Variants in CACNB2 observed in about 807,000 individuals in gnomAD.
CACNB2 encodes the protein calcium voltage-gated channel auxiliary subunit beta 2.
Under a neutral mutation model 73.3 loss-of-function variants are expected in CACNB2, and 42 were observed. The ratio of observed to expected loss-of-function variants is 0.57; its 90% confidence interval spans 0.45 to 0.74. CACNB2 has a LOEUF of 0.74. CACNB2 is among the 30% of genes least tolerant of loss of function. The pLI is 0.00. For synonymous variants in CACNB2, 348 were observed against 310.3 expected (o/e 1.12, Z -1.28); for missense variants, 940 against 853.0 (o/e 1.10, Z -1.27).
chr10:18,365,929 G>A (rs2042327300), intron 2 of CACNB2, among the ~76,000 whole-genome samples: 1 of 152,178 alleles, frequency 6.6e-6, no homozygotes, highest in Non-Finnish European at 1.5e-5. Flanking sequence ...CCTGTGGAGG[G>A]TAGGAATTCC....
chr10:18,412,882 A>T (rs12772024), intron 3 of CACNB2, among the ~76,000 whole-genome samples: 8,754 of 152,290 alleles, frequency 0.057, 645 homozygotes, highest in African/African-American at 0.16. Context: ...AGGCTTAGGG[A>T]TGCCCAGCAG....
intron 2 of CACNB2, among the ~76,000 whole-genome samples, chr10:18,198,119 T>C (rs2034710292): frequency 6.7e-6 from 1 of 148,212 alleles, no homozygotes; most frequent in African/African-American, 2.5e-5. Flanking sequence ...TCATATGACA[T>C]ATATGTAATA....
chr10:18,277,276 C>G (rs915961811), intron 2 of CACNB2, among the ~76,000 whole-genome samples: 1 of 152,182 alleles, frequency 6.6e-6, no homozygotes, highest in African/African-American at 2.4e-5. Context: ...GAGGAGTGGC[C>G]TATAAAGGCA....
chr10:18,396,753 G>A (rs1356463926), intron 2 of CACNB2, among the ~76,000 whole-genome samples: 2 of 152,204 alleles, frequency 1.3e-5, no homozygotes, highest in Non-Finnish European at 2.9e-5. Flanking sequence ...TTACAGTTGT[G>A]AGCTATTGTG....
chr10:18,142,384 T>C (rs188646587), intron 1 of CACNB2, among the ~76,000 whole-genome samples: 39 of 152,336 alleles, frequency 2.6e-4, no homozygotes, highest in Admixed American at 7.8e-4. Context: ...ATCTGGCCTC[T>C]GCCAGAGGAT....
chr10:18,314,078 G>A lies in CACNB2; in HGVS notation c.214-87846G>A, dbSNP rs76096342. On this transcript the variant is annotated intron_variant, in intron 2 of 13. Transcript: ENST00000324631. ...CTGTTATTAGCCTTTTATGGTCAAT[G>A]AATATTGATTGTTGAGTGAATCAAT... Among the ~76,000 whole-genome samples, 807 of 151,726 alleles carry A rather than the reference G, an allele frequency of 5.3e-3. 16 individuals are homozygous for A. The East Asian group carries it at 0.07, about 13-fold the overall frequency.
chr10:18,413,941 T>C (rs1393250122), intron 3 of CACNB2, among the ~76,000 whole-genome samples: 1 of 152,260 alleles, frequency 6.6e-6, no homozygotes. Flanking sequence ...GTGAGGAATC[T>C]GAATGGAAAG....
chr10:18,369,577 CTTG>C (rs2042492440), intron 2 of CACNB2, among the ~76,000 whole-genome samples: 1 of 152,086 alleles, frequency 6.6e-6, no homozygotes, highest in South Asian at 2.1e-4. Flanking sequence ...CTTATTGTGT[CTTG>C]TTAGAGGGTG....
intron 3 of CACNB2, among the ~76,000 whole-genome samples, chr10:18,432,017 T>A (rs1456396458): frequency 1.3e-5 from 2 of 152,112 alleles, no homozygotes; most frequent in Non-Finnish European, 2.9e-5. Context: ...CCTGCCTTAG[T>A]CTCCCAAAGA....
intron 3 of CACNB2, among the ~76,000 whole-genome samples, chr10:18,481,191 G>GATAT (rs1564598989): frequency 1.2e-4 from 5 of 40,520 alleles, no homozygotes; most frequent in Admixed American, 9.5e-4. Flanking sequence ...TTACATCTTC[G>GATAT]CTATATATAT....
At chr10:18,263,143 T>C (rs2037632803) in intron 2 of CACNB2, among the ~76,000 whole-genome samples, 1 of 152,244 alleles carries the variant, frequency 6.6e-6, no homozygotes, top group Admixed American at 6.5e-5. Context: ...CTCTCTTCTT[T>C]GACACTTTAT....
At chr10:18,288,692 C>G (rs1261881655) in intron 2 of CACNB2, among the ~76,000 whole-genome samples, 1 of 151,912 alleles carries the variant, frequency 6.6e-6, no homozygotes, top group Non-Finnish European at 1.5e-5. Context: ...CACACACACA[C>G]ACACACACAC....
chr10:18,431,179 C>T (rs917020735), intron 3 of CACNB2, among the ~76,000 whole-genome samples: 5 of 152,050 alleles, frequency 3.3e-5, no homozygotes, highest in African/African-American at 4.8e-5. Flanking sequence ...GATGGGGTCT[C>T]GGTGTGTTGC....
chr10:18,169,286 G>A (rs1457640040), intron 2 of CACNB2, among the ~76,000 whole-genome samples: 1 of 152,108 alleles, frequency 6.6e-6, no homozygotes, highest in Admixed American at 6.6e-5. Context: ...TGTACAATGA[G>A]TAATTCTTTT....
At chr10:18,446,533 A>G (rs371489011) in intron 3 of CACNB2, among the ~76,000 whole-genome samples, 1 of 152,150 alleles carries the variant, frequency 6.6e-6, no homozygotes, top group South Asian at 2.1e-4. Flanking sequence ...ACTGGAGACA[A>G]GAGAGGAGAT....
rs190571340 is a variant in CACNB2, at chr10:18,484,110, A to G, written c.334-14245A>G. Among the ~76,000 whole-genome samples the G allele has an allele frequency of 8.5e-5, 13 of 152,218 alleles. No individual in the cohort carries two copies. In the East Asian group the frequency reaches 2.5e-3, roughly 29 times the overall value. On this transcript the variant is annotated intron_variant, in intron 3 of 13. Coordinates refer to ENST00000324631, the MANE Select transcript of CACNB2 (RefSeq NM_201596.3). The stretch of plus-strand genomic sequence containing the variant: ...GAAATGTTTGTAGTTTAAGAAAAAC[A>G]AGGCCAGGCACAGTGGCTCACACTT...
At chr10:18,439,864 A>C (rs2046326921) in intron 3 of CACNB2, among the ~76,000 whole-genome samples, 1 of 152,186 alleles carries the variant, frequency 6.6e-6, no homozygotes, top group South Asian at 2.1e-4. Context: ...AACAAAACAA[A>C]GCCCCTGCCG....
chr10:18,423,769 A>G (rs1386068223), intron 3 of CACNB2, among the ~76,000 whole-genome samples: 1 of 152,176 alleles, frequency 6.6e-6, no homozygotes. Flanking sequence ...CTATTGGATT[A>G]TTCCATTTGC....
chr10:18,499,984 A>G (rs2050105506), intron 4 of CACNB2, among the ~76,000 whole-genome samples: 1 of 152,090 alleles, frequency 6.6e-6, no homozygotes, highest in Non-Finnish European at 1.5e-5. Context: ...TAAAAATAGA[A>G]GAGCCTAGAG....
Sources: allele counts gnomAD v4.1 joint callset (sites outside exome capture counted in the v4.1 genomes callset), GRCh38; gene constraint gnomAD v4.1.1; transcripts MANE v1.5; gene names NCBI Gene and HGNC (gene_info 2026-07-23, HGNC 2026-07-21).